The following CTU2 variants were observed in gnomAD, a reference collection of about 807,000 sequenced individuals.
CTU2 encodes cytosolic thiouridylase subunit 2.
Under a neutral mutation model 64.1 loss-of-function variants are expected in CTU2, and 80 were observed. The ratio of observed to expected loss-of-function variants is 1.25; its 90% CI spans 1.04 to 1.50. CTU2 has a LOEUF of 1.50. Among genes scored for constraint, CTU2 ranks in the 40% most tolerant of loss-of-function variants. The pLI, the probability that CTU2 is intolerant of heterozygous loss-of-function variation, is 0.00. For synonymous variants in CTU2, 482 were observed against 285.3 expected, an observed-to-expected ratio of 1.69 and a Z score of -6.95; for missense variants, 1,110 against 690.2, an observed-to-expected ratio of 1.61 and a Z score of -6.81.
chr16:88,712,172 C>T (rs772923556), intron 5 of CTU2, 102 bp from the exon 6 acceptor site: 20 of 993,318 alleles, frequency 2.0e-5, no homozygotes, highest in Middle Eastern at 4.1e-4. Context: ...CACCGCCCTG[C>T]GGAGCGAGGC....
chr16:88,712,170 T>C (rs771837171), intron 5 of CTU2, 104 bp from the exon 6 acceptor site: 5 of 975,606 alleles, frequency 5.1e-6, no homozygotes. Flanking sequence ...AGCACCGCCC[T>C]GCGGAGCGAG....
chr16:88,713,691 C>T lies in CTU2; in HGVS notation c.918C>T (p.Pro306=), dbSNP rs768863233. ...ACGGGGACGTGGTGGTGGTGCGGCC[C>T]ATGCGGGACCACACCCTGAAGGAGG... The part of the protein sequence containing the change: ...ERHGDVVVVR[P]MRDHTLKEVA... The change falls in exon 9 of 15, where the codon CCC becomes CCT. Residue 306 remains proline (P), a synonymous_variant. Coordinates refer to ENST00000453996, the MANE Select transcript of CTU2 (RefSeq NM_001012759.3). 8.7e-6 allele frequency: 14 copies of T among 1,612,648 alleles called. No individual in the cohort carries two copies. Among genetic ancestry groups the T allele is most frequent in the Admixed American group, 3.3e-5 (2 of 60,016 alleles).
At chr16:88,708,033 C>G (rs571302589) in intron 2 of CTU2, among the ~76,000 whole-genome samples, 5 of 152,116 alleles carry the variant, frequency 3.3e-5, no homozygotes, top group Non-Finnish European at 5.9e-5. Context: ...AGGCTGGTTT[C>G]GAACTCCTGA....
At position 88,710,465 on chromosome 16, in the gene CTU2, A is replaced by T. The variant is rs896280843; in HGVS notation, c.282+183A>T. 5 of 610,760 alleles carry T rather than the reference A, an allele frequency of 8.2e-6. No homozygotes were observed. In the African/African-American group the frequency reaches 9.3e-5, roughly 11 times the overall value. 37.8% of individuals were successfully genotyped at this position (610,760 alleles called of 1,614,324 possible). A position where few individuals can be genotyped will look rare whatever the true frequency, so the allele number is the denominator to read the frequency against. ...TGCACCAATCAGGAGCTGAGTCCAC[A>T]GTGTGTGTGTGCGGCCCACTCTCAG... On this transcript the variant is annotated intron_variant, in intron 4 of 14. Transcript: ENST00000453996.
intron 12 of CTU2, 25 bp from the exon 13 acceptor site, chr16:88,714,835 C>G: frequency 6.2e-7 from 1 of 1,612,272 alleles, no homozygotes; most frequent in Non-Finnish European, 8.5e-7. Flanking sequence ...CCAAGGTGGG[C>G]ACACAGCCAG....
chr16:88,712,023 GGGCCCAGGGGCCGACTCC>G, intron 5 of CTU2: 1 of 383,628 alleles, frequency 2.6e-6, no homozygotes. Flanking sequence ...TGGTGAGCGG[GGGCCCAGGGGCCGACTCC>G]CCGACCCTTG....
Position 88,713,667 on chromosome 16 carries a change from CG to C in CTU2, c.898del (p.Asp300ThrfsTer13), listed in dbSNP as rs1452881880. The C allele has an allele frequency of 1.2e-6, 2 of 1,612,380 alleles. No homozygotes were observed. On this transcript the variant is annotated frameshift_variant, in exon 9 of 15. Transcript: ENST00000453996. LOFTEE classifies it high-confidence loss of function. The stretch of plus-strand genomic sequence containing the variant: ...CGCAGGGCTTCTCGGATGAGCGGCA[CG>C]GGGACGTGGTGGTGGTGCGGCCCAT... Reference protein sequence around the residue: ...WDTGFSDERHGDVVVVRPMRD... With the variant: ...WDTGFSDERHXDVVVVRPMRD...
chr16:88,709,675 C>T (rs771578815), intron 2 of CTU2: 8 of 501,840 alleles, frequency 1.6e-5, no homozygotes, highest in East Asian at 3.5e-5. Flanking sequence ...GCTCTGCCCT[C>T]GTTTGCTGGA....
intron 9 of CTU2, 128 bp from the exon 10 acceptor site, chr16:88,714,008 C>T (rs944836233): frequency 2.8e-6 from 3 of 1,077,936 alleles, no homozygotes; most frequent in South Asian, 1.4e-5. Flanking sequence ...CTGCCTTGAG[C>T]AGTCGCAGCA....
chr16:88,713,364 A>T lies in CTU2; in HGVS notation c.790A>T (p.Thr264Ser). 6.2e-7 allele frequency: 1 copy of T among 1,602,738 alleles called. No homozygotes were observed. The highest frequency in any genetic ancestry group is 8.5e-7 in the Non-Finnish European group (1 of 1,176,140). ...AGCCCACGGCTACTCCAAGGTCATG[A>T]CTGGGGACAGCTGCACACGCTTGGC... Reference protein sequence around the residue: ...ARAHGYSKVMTGDSCTRLAIK... With the variant: ...ARAHGYSKVMSGDSCTRLAIK... Residue 264 changes from threonine (T) to serine (S), a missense_variant, in exon 8 of 15, where the codon ACT becomes TCT. Thr to Ser is a moderately conservative substitution (Grantham distance 58). Coordinates refer to ENST00000453996, the MANE Select transcript of CTU2 (RefSeq NM_001012759.3).
chr16:88,715,075 A>G lies in CTU2; in HGVS notation c.1447A>G (p.Ile483Val). ...LPSLDPLPPYILAEAQLRTQR... is the reference protein window; with the variant it reads ...LPSLDPLPPYVLAEAQLRTQR... ...CTCACTGGACCCCCTGCCGCCGTAC[A>G]TCCTGGCTGAGGCCCAGCTCCGCAC... The change falls in exon 14 of 15, where the codon ATC (isoleucine) becomes GTC (valine). Residue 483 changes from isoleucine to valine, a missense_variant. Ile to Val is a conservative substitution (Grantham distance 29). Coordinates refer to ENST00000453996, the MANE Select transcript of CTU2 (RefSeq NM_001012759.3). 6.3e-7 allele frequency: 1 copy of G among 1,575,200 alleles called. No individual in the cohort carries two copies. Among genetic ancestry groups the G allele is most frequent in the Non-Finnish European group, 8.6e-7 (1 of 1,159,048 alleles).
rs938395699 is a variant in CTU2, at chr16:88,714,138, C to T, written c.1008C>T (p.Ala336=). The change falls in exon 10 of 15, where the codon GCC becomes GCT. Residue 336 remains alanine (A), a splice_region_variant and synonymous_variant. Transcript: ENST00000453996. The part of the protein sequence containing the change: ...SVFTPAVDTK[A]PEKASIHRLM... The stretch of plus-strand genomic sequence containing the variant: ...GCCTCCAATCTGATTGTCCCTAGGC[C>T]CCTGAAAAGGCCAGCATCCACCGGC... The T allele has an allele frequency of 5.0e-6, 8 of 1,612,566 alleles. No individual in the cohort carries two copies. Among genetic ancestry groups the T allele is most frequent in the East Asian group, 2.2e-5 (1 of 44,874 alleles).
At position 88,707,692 on chromosome 16, in the gene CTU2, C is replaced by T. The variant is rs552914563; in HGVS notation, c.143+482C>T. ...TGTCATGTCTTTCTTGGCTTGTAGC[C>T]ATTGTATTGTTCAGTTGTTTCCACT... On this transcript the variant is annotated intron_variant, in intron 2 of 14. Transcript: ENST00000453996. 2.6e-5 allele frequency among the ~76,000 whole-genome samples: 4 copies of T among 152,246 alleles called. No individual in the cohort carries two copies. In the East Asian group the frequency reaches 5.8e-4, roughly 22 times the overall value.
At position 88,712,839 on chromosome 16, in the gene CTU2, C is replaced by A. The variant is rs770332079; in HGVS notation, c.671C>A (p.Ala224Asp). Residue 224 changes from alanine to aspartate, a missense_variant, in exon 7 of 15, where the codon GCT becomes GAT. Transcript: ENST00000453996. ...CCGCCTGCCCCTGCCCAGACTGAGGCTCTTTCCCAACTGTTCTGCTCAGTG... is the reference window on the plus strand; with the variant it reads ...CCGCCTGCCCCTGCCCAGACTGAGGATCTTTCCCAACTGTTCTGCTCAGTG... ...ARPPAPAQTE[A>D]LSQLFCSVRT... The A allele has an allele frequency of 1.3e-6, 2 of 1,588,296 alleles. No individual in the cohort carries two copies. Among genetic ancestry groups the A allele is most frequent in the South Asian group, 2.3e-5 (2 of 87,454 alleles).
chr16:88,713,493 C>T lies in CTU2; in HGVS notation c.873+46C>T, dbSNP rs746857474. On this transcript the variant is annotated intron_variant, in intron 8 of 14. Transcript: ENST00000453996. ...TCAGGAGGCCCATCCTCACCTTCAC[C>T]CCTTCGGCCACCTTTACTGGAGAGT... is the stretch of plus-strand genomic sequence containing the variant. 7.7e-6 allele frequency: 12 copies of T among 1,553,474 alleles called. No individual in the cohort carries two copies. In the East Asian group the frequency reaches 9.1e-5, roughly 12 times the overall value.
intron 2 of CTU2, 26 bp from the exon 3 acceptor site, chr16:88,709,912 T>G (rs751955196): frequency 1.9e-6 from 3 of 1,609,246 alleles, no homozygotes; most frequent in South Asian, 2.2e-5. Flanking sequence ...AGCAGGCGGT[T>G]CCCTCATCTC....
intron 5 of CTU2, among the ~76,000 whole-genome samples, 163 bp downstream of exon 5, chr16:88,711,858 C>T (rs1039103391): frequency 6.6e-5 from 10 of 152,168 alleles, no homozygotes; most frequent in Admixed American, 4.6e-4. Flanking sequence ...GGGACATCTC[C>T]CTGAAGGAGG....
rs771710223 is a variant in CTU2 at position 88,715,164 on chromosome 16, C to G, written c.1479-18C>G. Reference sequence around the variant, plus strand: ...TAAGGGGCCTCGGGGCTGGTGCCCACTGCAGCTTTCTCTCTAGGGCCTGGG... The same window carrying G: ...TAAGGGGCCTCGGGGCTGGTGCCCAGTGCAGCTTTCTCTCTAGGGCCTGGG... On this transcript the variant is annotated intron_variant, in intron 14 of 14. Transcript: ENST00000453996. 7.4e-6 allele frequency: 12 copies of G among 1,611,176 alleles called. No individual in the cohort carries two copies. The African/African-American group carries it at 1.3e-4, about 18-fold the overall frequency.
In CTU2 at chr16:88,714,975, G is replaced by C. The variant is rs767876863; in HGVS notation, c.1419+49G>C. 2.6e-5 allele frequency: 41 copies of C among 1,588,084 alleles called. No homozygotes were observed. In the South Asian group the frequency reaches 4.0e-4, roughly 16 times the overall value. The stretch of plus-strand genomic sequence containing the variant: ...GGGCCGGGCTTGGGGACGCGGGAAG[G>C]CCGTCACCTCGTGGGTGGCTTGAGG... On this transcript the variant is annotated intron_variant, in intron 13 of 14. Coordinates refer to ENST00000453996, the MANE Select transcript of CTU2 (RefSeq NM_001012759.3).
Sources: allele counts gnomAD v4.1 joint callset (sites outside exome capture counted in the v4.1 genomes callset), GRCh38; gene constraint gnomAD v4.1.1; transcripts MANE v1.5; gene names NCBI Gene and HGNC (gene_info 2026-07-23, HGNC 2026-07-21).